The following AMOTL1 variants were observed in gnomAD, a reference collection of about 807,000 sequenced individuals.
AMOTL1 encodes the protein angiomotin-like protein 1.
A neutral mutation model predicts 102.9 loss-of-function variants in AMOTL1; 45 were observed. The observed-to-expected ratio is 0.44, with a 90% CI of 0.34 to 0.56. AMOTL1 has a LOEUF of 0.56. Among genes scored for constraint, AMOTL1 ranks in the 20% least tolerant of loss-of-function variants. The pLI is 0.01. For synonymous variants in AMOTL1, 481 were observed against 484.7 expected (o/e 0.99, Z 0.10); for missense variants, 1,114 against 1,225.6 (o/e 0.91, Z 1.36).
chr11:94,828,369 A>G (rs369963675), intron 4 of AMOTL1, among the ~76,000 whole-genome samples: 1 of 151,966 alleles, frequency 6.6e-6, no homozygotes, highest in African/African-American at 2.4e-5. Flanking sequence ...TTACCTGGAT[A>G]TCTCTTCTAC....
chr11:94,809,451 A>G (rs1251628637), intron 3 of AMOTL1, among the ~76,000 whole-genome samples: 1 of 152,094 alleles, frequency 6.6e-6, no homozygotes, highest in Non-Finnish European at 1.5e-5. Flanking sequence ...TCAGTCCAGA[A>G]CCATGCTCTG....
Position 94,796,655 on chromosome 11 carries a change from T to C in AMOTL1, c.199+1495T>C, listed in dbSNP as rs575128640. ...GTTGGTGTAGAAACTAGGGCTTGGT[T>C]GTGATTTGTAACTGTTATAAATGTG... On this transcript the variant is annotated intron_variant, in intron 2 of 12. Transcript: ENST00000433060. Among the ~76,000 whole-genome samples, 144 of 152,246 alleles carry C rather than the reference T, an allele frequency of 9.5e-4. 1 individual carries two copies. The highest frequency in any genetic ancestry group is 3.1e-3 in the Admixed American group (47 of 15,306).
chr11:94,869,322 C>T lies in AMOTL1; in HGVS notation c.2613C>T (p.Gly871=). The change falls in exon 12 of 13, where the codon GGC becomes GGT. Residue 871 remains glycine (G), a synonymous_variant. Coordinates refer to ENST00000433060, the MANE Select transcript of AMOTL1 (RefSeq NM_130847.3). ...CCAGCAGTGCCCACGCCAAGACAGG[C>T]AGCAAGGACAGCAGCACACAGACTG... is the stretch of plus-strand genomic sequence containing the variant. The part of the protein sequence containing the change: ...TAASSAHAKT[G]SKDSSTQTDK... The T allele has an allele frequency of 6.2e-7, 1 of 1,612,590 alleles. No individual in the cohort carries two copies. The highest frequency in any genetic ancestry group is 1.3e-5 in the African/African-American group (1 of 75,006).
At chr11:94,793,086 A>G (rs1000044312) in intron 1 of AMOTL1, among the ~76,000 whole-genome samples, 8 of 152,148 alleles carry the variant, frequency 5.3e-5, no homozygotes, top group Admixed American at 2.6e-4. Context: ...ACACACACAC[A>G]TATATATTTT....
In AMOTL1 at chr11:94,728,986, A is replaced by T; in HGVS notation, c.16A>T (p.Lys6Ter). The stretch of plus-strand genomic sequence containing the variant: ...GGCTAGAAGCATGGACCTCAGTGAA[A>T]AATGGACTTTGGAGGAAGGAGCCTG... The change falls in exon 2 of 5, where the codon AAA becomes TAA. Residue 6 changes from lysine to a stop codon, truncating the protein, a stop_gained. Coordinates refer to the AMOTL1 transcript ENST00000299004. LOFTEE classifies it high-confidence loss of function. 1 of 1,289,138 alleles carries T rather than the reference A, an allele frequency of 7.8e-7. No individual in the cohort carries two copies. The highest frequency in any genetic ancestry group is 1.2e-5 in the South Asian group (1 of 81,016). The allele number at this position is 1,289,138 out of a possible 1,614,324, so 79.9% of individuals were successfully genotyped here.
intron 1 of AMOTL1, among the ~76,000 whole-genome samples, chr11:94,720,484 A>C (rs958365618): frequency 6.6e-6 from 1 of 152,140 alleles, no homozygotes; most frequent in Non-Finnish European, 1.5e-5. Context: ...ACTTTGTTAA[A>C]ATGAAATGGC....
intron 3 of AMOTL1, among the ~76,000 whole-genome samples, chr11:94,751,820 A>G (rs563447695): frequency 6.6e-6 from 1 of 152,042 alleles, no homozygotes; most frequent in East Asian, 1.9e-4. Flanking sequence ...ACGCACACAC[A>G]CACATAGGAA....
chr11:94,869,390 C>G lies in AMOTL1; in HGVS notation c.2681C>G (p.Pro894Arg). 1.2e-6 allele frequency: 2 copies of G among 1,605,908 alleles called. No homozygotes were observed. Among genetic ancestry groups the G allele is most frequent in the Non-Finnish European group, 1.7e-6 (2 of 1,176,528 alleles). Residue 894 changes from proline (P) to arginine (R), a missense_variant, in exon 12 of 13, where the codon CCC becomes CGC. Pro to Arg is a moderately radical substitution (Grantham distance 103). Coordinates refer to ENST00000433060, the MANE Select transcript of AMOTL1 (RefSeq NM_130847.3). Reference protein sequence around the residue: ...ELFWPSMASLPSRGRLSTTPA... With the variant: ...ELFWPSMASLRSRGRLSTTPA... ...TTCTGGCCCAGCATGGCCTCCCTTC[C>G]CAGCCGCGGCCGGCTGAGCACGACC...
intron 4 of AMOTL1, among the ~76,000 whole-genome samples, 154 bp downstream of exon 4, chr11:94,821,975 G>T (rs1362125761): frequency 4.6e-5 from 7 of 152,170 alleles, no homozygotes; most frequent in Admixed American, 4.6e-4. Context: ...ATATGACCCA[G>T]TTCCTGCCTT....
intron 3 of AMOTL1, among the ~76,000 whole-genome samples, chr11:94,756,050 C>T (rs890256540): frequency 6.6e-6 from 1 of 152,074 alleles, no homozygotes; most frequent in Non-Finnish European, 1.5e-5. Context: ...GGAATGTGAC[C>T]TTCCGCTGGA....
intron 1 of AMOTL1, among the ~76,000 whole-genome samples, chr11:94,725,927 C>A (rs771908112): frequency 5.9e-5 from 9 of 152,138 alleles, no homozygotes; most frequent in Non-Finnish European, 1.2e-4. Context: ...AATACTACTA[C>A]ACCTAAATTG....
intron 1 of AMOTL1, among the ~76,000 whole-genome samples, chr11:94,717,497 A>G (rs182186044): frequency 6.6e-6 from 1 of 151,890 alleles, no homozygotes; most frequent in East Asian, 1.9e-4. Context: ...AGTGGTATTG[A>G]GGGAAATGAC....
At chr11:94,840,654 G>GTATACATATATATATA (rs1952277799) in intron 6 of AMOTL1, among the ~76,000 whole-genome samples, 1 of 111,288 alleles carries the variant, frequency 9.0e-6, no homozygotes, top group African/African-American at 4.0e-5. Flanking sequence ...CTTAAAAAAC[G>GTATACATATATATATA]TATATATATA....
intron 3 of AMOTL1, among the ~76,000 whole-genome samples, chr11:94,751,314 G>A (rs1387672213): frequency 1.3e-5 from 2 of 151,894 alleles, no homozygotes; most frequent in African/African-American, 4.8e-5. Context: ...ACTCCTCTTT[G>A]CTTCCTTCAT....
intron 1 of AMOTL1, among the ~76,000 whole-genome samples, chr11:94,716,674 C>T (rs4465336): frequency 0.85 from 128,673 of 152,046 alleles, 55,539 homozygotes; most frequent in Non-Finnish European, 0.93. Context: ...GAGGAAGGGA[C>T]GGGTCCTGTT....
At chr11:94,810,223 G>T (rs1456456200) in intron 3 of AMOTL1, among the ~76,000 whole-genome samples, 1 of 152,152 alleles carries the variant, frequency 6.6e-6, no homozygotes, top group Admixed American at 6.5e-5. Context: ...TAAAATTACA[G>T]AAATCTATCA....
intron 3 of AMOTL1, among the ~76,000 whole-genome samples, chr11:94,806,518 A>C (rs559013179): frequency 4.9e-4 from 74 of 152,350 alleles, no homozygotes; most frequent in African/African-American, 1.6e-3. Context: ...GCCCTTAACG[A>C]AAATGAGGCC....
intron 1 of AMOTL1, among the ~76,000 whole-genome samples, chr11:94,769,067 G>C (rs1340834755): frequency 6.6e-6 from 1 of 152,110 alleles, no homozygotes; most frequent in African/African-American, 2.4e-5. Context: ...GCGGGTGGGG[G>C]CGACGAAAGG....
At chr11:94,839,554 G>T (rs1304484225) in intron 6 of AMOTL1, among the ~76,000 whole-genome samples, 1 of 152,186 alleles carries the variant, frequency 6.6e-6, no homozygotes, top group African/African-American at 2.4e-5. Context: ...TACGTACCAG[G>T]TGAGTGGAGA....
Sources: gnomAD v4.1 joint callset for allele counts (sites outside exome capture counted in the v4.1 genomes callset) on GRCh38, gnomAD v4.1.1 for gene constraint, MANE v1.5 for transcripts, NCBI Gene and HGNC (gene_info 2026-07-23, HGNC 2026-07-21) for gene names.